Variants in MAP7 observed in about 807,000 individuals in gnomAD.
The protein encoded by MAP7 is microtubule associated protein 7.
In MAP7, 52 loss-of-function variants were observed where a neutral mutation model predicts 94.8. The observed-to-expected ratio is 0.55, with a 90% CI of 0.44 to 0.69. The LOEUF (loss-of-function observed/expected upper bound fraction) is 0.69, where lower values mean the gene tolerates loss of function less well. Among genes scored for constraint, MAP7 ranks in the 30% least tolerant of loss-of-function variants. The probability of loss-of-function intolerance (pLI) is 0.00; values close to 1 mark genes in which losing one functional copy is unlikely to be tolerated. For missense variants in MAP7, 940 were observed against 964.6 expected, an observed-to-expected ratio of 0.97 and a Z score of 0.34; for synonymous variants, 350 against 357.0, an observed-to-expected ratio of 0.98 and a Z score of 0.22.
At chr6:136,392,975 A>G (rs1443500141) in intron 3 of MAP7, among the ~76,000 whole-genome samples, 1 of 152,254 alleles carries the variant, frequency 6.6e-6, no homozygotes, top group Non-Finnish European at 1.5e-5. Context: ...TTTATAAAAT[A>G]TTAAGAATAT....
intron 2 of MAP7, among the ~76,000 whole-genome samples, chr6:136,418,746 CT>C (rs1334031653): frequency 1.9e-4 from 28 of 150,428 alleles, no homozygotes; most frequent in South Asian, 1.1e-3. Flanking sequence ...ATATAATGAA[CT>C]TTTTTTTTTC....
At chr6:136,373,454 T>C (rs554986009) in intron 7 of MAP7, among the ~76,000 whole-genome samples, 104 of 152,346 alleles carry the variant, frequency 6.8e-4, no homozygotes, top group Non-Finnish European at 1.2e-3. Context: ...TTTACAGTTT[T>C]ACTCAAGATG....
chr6:136,414,689 T>C (rs370776160), intron 2 of MAP7, among the ~76,000 whole-genome samples: 65 of 152,230 alleles, frequency 4.3e-4, no homozygotes, highest in African/African-American at 1.5e-3. Flanking sequence ...TCACCCAGGC[T>C]GGAGTGCAGT....
intron 8 of MAP7, among the ~76,000 whole-genome samples, chr6:136,367,117 T>A (rs1794545118): frequency 6.6e-6 from 1 of 152,196 alleles, no homozygotes; most frequent in African/African-American, 2.4e-5. Flanking sequence ...GGCCAAAACA[T>A]CACCCCTCCC....
chr6:136,435,990 G>A (rs1796285670), intron 1 of MAP7, among the ~76,000 whole-genome samples: 1 of 152,014 alleles, frequency 6.6e-6, no homozygotes, highest in African/African-American at 2.4e-5. Context: ...TTTATAATGT[G>A]CAAATGTGTC....
chr6:136,412,047 T>C (rs1284483157), intron 2 of MAP7, among the ~76,000 whole-genome samples: 1 of 152,190 alleles, frequency 6.6e-6, no homozygotes, highest in Non-Finnish European at 1.5e-5. Flanking sequence ...ACCAACAAAA[T>C]CCTTAAGTAG....
chr6:136,549,375 C>T (rs1294770388), intron 1 of MAP7, among the ~76,000 whole-genome samples: 1 of 152,002 alleles, frequency 6.6e-6, no homozygotes, highest in African/African-American at 2.4e-5. Context: ...GCTTACTGGC[C>T]AAGAATAGAA....
chr6:136,367,983 G>A (rs1016686359), intron 8 of MAP7, among the ~76,000 whole-genome samples: 10 of 152,224 alleles, frequency 6.6e-5, no homozygotes, highest in South Asian at 2.1e-4. Context: ...TTGATGTGGC[G>A]TGGGGGTGGT....
chr6:136,448,149 G>A (rs972695476), intron 1 of MAP7, among the ~76,000 whole-genome samples: 5 of 152,036 alleles, frequency 3.3e-5, no homozygotes, highest in East Asian at 1.9e-4. Context: ...CCGAGATCAC[G>A]CCACTGCACT....
At chr6:136,485,821 C>T (rs1420178606) in intron 1 of MAP7, among the ~76,000 whole-genome samples, 2 of 152,072 alleles carry the variant, frequency 1.3e-5, no homozygotes, top group Non-Finnish European at 1.5e-5. Flanking sequence ...CTCGGCCTCC[C>T]AAAGTGCTGG....
chr6:136,533,337 T>C (rs1357718908), intron 1 of MAP7, among the ~76,000 whole-genome samples: 4 of 152,192 alleles, frequency 2.6e-5, no homozygotes, highest in Non-Finnish European at 5.9e-5. Context: ...TGAGCCAATT[T>C]GTTATAGGTG....
chr6:136,485,059 T>C (rs1221854990), intron 1 of MAP7, among the ~76,000 whole-genome samples: 1 of 152,170 alleles, frequency 6.6e-6, no homozygotes, highest in African/African-American at 2.4e-5. Flanking sequence ...ATTTCAAAGC[T>C]TCTACTGTAG....
chr6:136,469,105 C>T (rs1337840582), intron 1 of MAP7, among the ~76,000 whole-genome samples: 1 of 152,084 alleles, frequency 6.6e-6, no homozygotes, highest in Non-Finnish European at 1.5e-5. Flanking sequence ...AAGCCAATTT[C>T]TCTGTCCCAG....
chr6:136,538,385 T>C (rs1487628718), intron 1 of MAP7, among the ~76,000 whole-genome samples: 2 of 152,184 alleles, frequency 1.3e-5, no homozygotes, highest in African/African-American at 4.8e-5. Flanking sequence ...ATATTCAATG[T>C]GGTGATAGTG....
At chr6:136,486,766 C>T (rs1051383316) in intron 1 of MAP7, among the ~76,000 whole-genome samples, 9 of 152,148 alleles carry the variant, frequency 5.9e-5, no homozygotes, top group Admixed American at 5.2e-4. Context: ...TCTGATTGAA[C>T]CACCTAAGGC....
Position 136,363,987 on chromosome 6 carries a change from A to G in MAP7, c.1274-1285T>C, listed in dbSNP as rs151202979. 475 of 227,462 alleles carry G rather than the reference A, an allele frequency of 2.1e-3. 1 individual carries two copies. The highest frequency in any genetic ancestry group is 9.8e-3 in the Middle Eastern group (6 of 610). 14.1% of individuals were successfully genotyped at this position (227,462 alleles called of 1,614,324 possible). A position where few individuals can be genotyped will look rare whatever the true frequency, so the allele number is the denominator to read the frequency against. On this transcript the variant is annotated intron_variant, in intron 10 of 17. Transcript: ENST00000354570. ...AAACATTATAGATGTGGTGGTTTAA[A>G]AATATTTCCAGTTTTCCTCAGCTGC...
At chr6:136,456,828 A>AG (rs1341984513) in intron 1 of MAP7, among the ~76,000 whole-genome samples, 59 of 123,724 alleles carry the variant, frequency 4.8e-4, no homozygotes, top group Non-Finnish European at 6.7e-4. Flanking sequence ...AGAAGGAAGA[A>AG]GAAGAAGAAG....
intron 1 of MAP7, among the ~76,000 whole-genome samples, chr6:136,470,447 A>G (rs1237248499): frequency 6.6e-6 from 1 of 151,672 alleles, no homozygotes; most frequent in Non-Finnish European, 1.5e-5. Flanking sequence ...CACTTCCATC[A>G]CCTCCCATAG....
chr6:136,450,516 A>T (rs939865155), intron 1 of MAP7, among the ~76,000 whole-genome samples: 3 of 152,246 alleles, frequency 2.0e-5, no homozygotes, highest in African/African-American at 7.2e-5. Context: ...ATTTCTTTAA[A>T]AGGACTTTTT....
Sources: gnomAD v4.1 joint callset for allele counts (sites outside exome capture counted in the v4.1 genomes callset) on GRCh38, gnomAD v4.1.1 for gene constraint, MANE v1.5 for transcripts, NCBI Gene and HGNC (gene_info 2026-07-23, HGNC 2026-07-21) for gene names.